The following CPNE5 variants were observed in gnomAD, a reference collection of about 807,000 sequenced individuals.
CPNE5 encodes copine 5, also known as copine-5.
In CPNE5, 42 loss-of-function variants were observed where a neutral mutation model predicts 81.1. The ratio of observed to expected loss-of-function variants is 0.52; its 90% CI spans 0.40 to 0.67. The LOEUF is 0.67. Ranked by LOEUF, CPNE5 falls within the 30% of genes least tolerant of loss-of-function variation. CPNE5 has a pLI of 0.00. For synonymous variants in CPNE5, 313 were observed against 321.5 expected (o/e 0.97, Z 0.28); for missense variants, 612 against 815.5 (o/e 0.75, Z 3.04).
Position 36,746,092 on chromosome 6 carries a change from C to CT in CPNE5, c.1200+303dup. ...TACCCAACCCACACCACCTTGTTCA[C>CT]TTTTCTGGGGCCCTGAGGGATGGGT... On this transcript the variant is annotated intron_variant, in intron 16 of 20. Transcript: ENST00000244751. The surrounding 1 kb of genome is among the most constrained non-coding windows in gnomAD (Gnocchi z 4.5). The CT allele has an allele frequency of 1.1e-6, 1 of 904,288 alleles. No individual in the cohort carries two copies. The highest frequency in any genetic ancestry group is 1.3e-6 in the Non-Finnish European group (1 of 756,880). The allele number at this position is 904,288 out of a possible 1,614,324, so 56.0% of individuals were successfully genotyped here. A position where few individuals can be genotyped will look rare whatever the true frequency, so the allele number is the denominator to read the frequency against.
chr6:36,777,762 C>G (rs900100219), intron 9 of CPNE5, among the ~76,000 whole-genome samples: 5 of 17,422 alleles, frequency 2.9e-4, no homozygotes, highest in Non-Finnish European at 6.8e-4. Flanking sequence ...TACCCCCCCC[C>G]CCACCACACA....
intron 17 of CPNE5, 54 bp downstream of exon 17, chr6:36,745,334 G>A: frequency 6.4e-7 from 1 of 1,570,650 alleles, no homozygotes; most frequent in Non-Finnish European, 8.7e-7. Context: ...AGGCAGAGCT[G>A]GTGTGGAAAC....
chr6:36,815,137 G>A (rs59776536), intron 3 of CPNE5, among the ~76,000 whole-genome samples: 2,647 of 146,876 alleles, frequency 0.018, 94 homozygotes, highest in African/African-American at 0.064. Flanking sequence ...CAGCCTGGGC[G>A]ACATAGCAAG....
At chr6:36,799,818 C>T (rs1008492130) in intron 4 of CPNE5, 149 bp downstream of exon 4, 60 of 620,386 alleles carry the variant, frequency 9.7e-5, no homozygotes, top group African/African-American at 3.3e-4. Context: ...AGGGTGCAGG[C>T]GACTTCAGCT....
At chr6:36,773,977 G>A (rs1197185130) in intron 10 of CPNE5, among the ~76,000 whole-genome samples, 1 of 151,798 alleles carries the variant, frequency 6.6e-6, no homozygotes, top group Non-Finnish European at 1.5e-5. Flanking sequence ...GAGGTGGGAG[G>A]ATTGCTTGAG....
intron 17 of CPNE5, 116 bp downstream of exon 17, chr6:36,745,272 G>A (rs1353419297): frequency 1.4e-6 from 2 of 1,429,750 alleles, no homozygotes; most frequent in Non-Finnish European, 9.6e-7. Context: ...TCAGGGTCAG[G>A]GCTCCCTGAA....
In CPNE5 at chr6:36,791,880, C is replaced by T. The variant is rs537698225; in HGVS notation, c.528+153G>A. Among the ~76,000 whole-genome samples the T allele has an allele frequency of 1.6e-4, 25 of 152,270 alleles. No individual in the cohort carries two copies. In the South Asian group the frequency reaches 5.2e-3, roughly 32 times the overall value. ...CTCAGCTATAAAAAGGGAAAACACC[C>T]ACTAGCTCTGATGTTGCAAAATTCT... On this transcript the variant is annotated intron_variant, in intron 8 of 20. Transcript: ENST00000244751.
intron 8 of CPNE5, among the ~76,000 whole-genome samples, chr6:36,786,863 G>A (rs1005233641): frequency 6.6e-6 from 1 of 151,996 alleles, no homozygotes; most frequent in Non-Finnish European, 1.5e-5. Context: ...ATTATCTCTG[G>A]GTGACTTTTC....
At chr6:36,807,455 G>T (rs543501482) in intron 3 of CPNE5, among the ~76,000 whole-genome samples, 1 of 152,150 alleles carries the variant, frequency 6.6e-6, no homozygotes, top group Non-Finnish European at 1.5e-5. Context: ...GACATAAAAC[G>T]TGCTCTGTAC....
intron 3 of CPNE5, among the ~76,000 whole-genome samples, chr6:36,808,306 G>A (rs1770783119): frequency 6.6e-6 from 1 of 152,048 alleles, no homozygotes; most frequent in Non-Finnish European, 1.5e-5. Flanking sequence ...GACCAGGCTG[G>A]TCTCGAACTC....
At chr6:36,742,995 C>G (rs1460893696) in intron 20 of CPNE5, 1 of 985,398 alleles carries the variant, frequency 1.0e-6, no homozygotes, top group Non-Finnish European at 1.2e-6. Flanking sequence ...TGGCTCACTC[C>G]TGCCTCCAGG....
intron 12 of CPNE5, 84 bp from the exon 13 acceptor site, chr6:36,756,382 T>C: frequency 8.7e-7 from 1 of 1,155,236 alleles, no homozygotes; most frequent in Non-Finnish European, 1.3e-6. Flanking sequence ...CCCATGGGTG[T>C]GGTCCAAGCC....
chr6:36,795,879 T>C (rs965027665), intron 6 of CPNE5, among the ~76,000 whole-genome samples: 2 of 152,122 alleles, frequency 1.3e-5, no homozygotes, highest in Admixed American at 6.6e-5. Flanking sequence ...AACTAAGATA[T>C]GTGAAATCTT....
Position 36,746,385 on chromosome 6 carries a change from G to A in CPNE5, c.1200+11C>T, listed in dbSNP as rs374609053. On this transcript the variant is annotated intron_variant, in intron 16 of 20. Transcript: ENST00000244751. The surrounding 1 kb of genome is among the most constrained non-coding windows in gnomAD (Gnocchi z 4.5). ...TGATCAGTCCTCTCTCCCACCAGCG[G>A]GACCACCTACCAGTGGGAACTCGTG... 8.7e-5 allele frequency: 139 copies of A among 1,603,222 alleles called. No homozygotes were observed. The African/African-American group carries it at 1.5e-3, about 17-fold the overall frequency.
chr6:36,821,728 C>T (rs1171338107), intron 3 of CPNE5, among the ~76,000 whole-genome samples: 3 of 152,154 alleles, frequency 2.0e-5, no homozygotes, highest in East Asian at 1.9e-4. Context: ...ACTGAAGCCA[C>T]GCTCACCTTA....
At chr6:36,806,857 C>A (rs930101931) in intron 3 of CPNE5, among the ~76,000 whole-genome samples, 2 of 152,230 alleles carry the variant, frequency 1.3e-5, no homozygotes, top group Non-Finnish European at 2.9e-5. Flanking sequence ...CGTGGGATCT[C>A]AGCACTGCTG....
In CPNE5 at chr6:36,744,320, G is replaced by A; in HGVS notation, c.1437C>T (p.Ala479=). ...AQTKEAIVNA[A]KLPMSIIIVG... is the part of the protein sequence containing the mutation. ...CGATAATGATGGACATGGGGAGCTTGGCAGCCTGGGAGACAGCATGGGGGG... is the reference window on the plus strand; with the variant it reads ...CGATAATGATGGACATGGGGAGCTTAGCAGCCTGGGAGACAGCATGGGGGG... Residue 479 remains alanine (A), a synonymous_variant, in exon 19 of 21, where the codon GCC becomes GCT. Transcript: ENST00000244751. 1 of 1,581,820 alleles carries A rather than the reference G, an allele frequency of 6.3e-7. No homozygotes were observed. Among genetic ancestry groups the A allele is most frequent in the Non-Finnish European group, 8.6e-7 (1 of 1,164,344 alleles).
chr6:36,795,263 C>T (rs539419100), intron 6 of CPNE5, among the ~76,000 whole-genome samples: 347 of 152,332 alleles, frequency 2.3e-3, no homozygotes, highest in Middle Eastern at 0.01. Context: ...ACCGCAACCT[C>T]CACCTACCAG....
chr6:36,822,623 T>C (rs1216159181), intron 2 of CPNE5, among the ~76,000 whole-genome samples: 1 of 152,048 alleles, frequency 6.6e-6, no homozygotes, highest in Admixed American at 6.5e-5. Flanking sequence ...ATGAGGCCTC[T>C]GATTATCATC....
Sources: gnomAD v4.1 joint callset for allele counts (sites outside exome capture counted in the v4.1 genomes callset) on GRCh38, gnomAD v4.1.1 for gene constraint, Gnocchi (gnomAD v3.1) non-coding constraint, MANE v1.5 for transcripts, NCBI Gene and HGNC (gene_info 2026-07-23, HGNC 2026-07-21) for gene names.